The following PLAAT5 variants were observed in gnomAD, a reference collection of about 807,000 sequenced individuals.
PLAAT5 encodes Ca(2+)-independent N-acyltransferase.
A neutral mutation model predicts 27.8 loss-of-function variants in PLAAT5; 27 were observed. The observed-to-expected ratio is 0.97, with a 90% CI of 0.72 to 1.34. The LOEUF is 1.34. PLAAT5 is among the 40% of genes most tolerant of loss of function. The pLI, the probability that PLAAT5 is intolerant of heterozygous loss-of-function variation, is 0.00. For synonymous variants in PLAAT5, 125 were observed against 136.1 expected (o/e 0.92, Z 0.57); for missense variants, 368 against 343.8 (o/e 1.07, Z -0.56).
At chr11:63,478,192 C>A (rs962965374) in intron 3 of PLAAT5, among the ~76,000 whole-genome samples, 6 of 152,196 alleles carry the variant, frequency 3.9e-5, no homozygotes, top group African/African-American at 1.4e-4. Context: ...CCCTCTGCTG[C>A]CACGCCATTC....
chr11:63,469,135 T>TGA (rs1300048720), intron 3 of PLAAT5, among the ~76,000 whole-genome samples: 12 of 146,408 alleles, frequency 8.2e-5, no homozygotes, highest in African/African-American at 3.0e-4. Context: ...TGTGTGTGTG[T>TGA]GTGTGTGTGT....
intron 3 of PLAAT5, among the ~76,000 whole-genome samples, chr11:63,485,089 T>A (rs2016402038): frequency 6.6e-6 from 1 of 150,440 alleles, no homozygotes; most frequent in Non-Finnish European, 1.5e-5. Context: ...ACCAAAGACA[T>A]GAAAGATCTC....
intron 3 of PLAAT5, among the ~76,000 whole-genome samples, chr11:63,468,983 G>A (rs976536498): frequency 3.3e-5 from 5 of 152,004 alleles, no homozygotes; most frequent in African/African-American, 1.2e-4. Flanking sequence ...CCCTCTGCAG[G>A]GCCCCCACGT....
intron 5 of PLAAT5, among the ~76,000 whole-genome samples, chr11:63,465,803 GA>G (rs1458406408): frequency 6.6e-6 from 1 of 151,792 alleles, no homozygotes; most frequent in African/African-American, 2.4e-5. Flanking sequence ...AGAAAGAGGG[GA>G]AAAAAAGAAA....
intron 4 of PLAAT5, among the ~76,000 whole-genome samples, chr11:63,468,022 G>C (rs928293783): frequency 5.9e-5 from 9 of 152,142 alleles, no homozygotes; most frequent in African/African-American, 1.7e-4. Context: ...CCCTCCTTGG[G>C]GAATCCTCAG....
chr11:63,465,336 A>G (rs939619201), intron 5 of PLAAT5, among the ~76,000 whole-genome samples: 9 of 151,086 alleles, frequency 6.0e-5, no homozygotes, highest in Non-Finnish European at 1.3e-4. Flanking sequence ...TAAAATTTCT[A>G]TATTTTTAAA....
Position 63,462,030 on chromosome 11 carries a change from TGGA to T in PLAAT5, c.*1470_*1472del, listed in dbSNP as rs1256457111. ...AGAAGTTACTAAACACTCCTTGGTGTGGAGGAGTTTTTTGTTAATGAAACAACA... is the reference window on the plus strand; with the variant it reads ...AGAAGTTACTAAACACTCCTTGGTGTGGAGTTTTTTGTTAATGAAACAACA... On this transcript the variant is annotated 3_prime_UTR_variant, in exon 6 of 6. Transcript: ENST00000540857. 1.3e-5 allele frequency: 2 copies of T among 152,110 alleles called. No homozygotes were observed. Among genetic ancestry groups the T allele is most frequent in the Non-Finnish European group, 2.9e-5 (2 of 68,026 alleles). 9.4% of individuals were successfully genotyped at this position (152,110 alleles called of 1,614,324 possible). A position where few individuals can be genotyped will look rare whatever the true frequency, so the allele number is the denominator to read the frequency against.
At chr11:63,464,082 C>T (rs982856122) in intron 5 of PLAAT5, among the ~76,000 whole-genome samples, 7 of 152,024 alleles carry the variant, frequency 4.6e-5, no homozygotes, top group South Asian at 2.1e-4. Context: ...TCTCACGGGA[C>T]GGGAGGTTTC....
At chr11:63,473,036 G>T (rs532743841) in intron 3 of PLAAT5, among the ~76,000 whole-genome samples, 1 of 152,212 alleles carries the variant, frequency 6.6e-6, no homozygotes, top group South Asian at 2.1e-4. Context: ...CTTGAATCCG[G>T]GAGGCAGAGG....
chr11:63,465,455 C>CA (rs1477983531), intron 5 of PLAAT5, among the ~76,000 whole-genome samples: 1 of 147,270 alleles, frequency 6.8e-6, no homozygotes, highest in Non-Finnish European at 1.5e-5. Flanking sequence ...GCAATTTTAT[C>CA]AACAGAGTAT....
At chr11:63,479,999 C>T (rs1254040971) in intron 3 of PLAAT5, among the ~76,000 whole-genome samples, 1 of 152,192 alleles carries the variant, frequency 6.6e-6, no homozygotes, top group Non-Finnish European at 1.5e-5. Flanking sequence ...ACCCCAATAC[C>T]TTAGAGTCCT....
At chr11:63,481,695 G>A (rs77939805) in intron 3 of PLAAT5, among the ~76,000 whole-genome samples, 1 of 152,254 alleles carries the variant, frequency 6.6e-6, no homozygotes, top group East Asian at 1.9e-4. Flanking sequence ...AGAAAATGTG[G>A]CACATATACA....
chr11:63,483,788 T>A lies in PLAAT5; in HGVS notation c.345+5083A>T, dbSNP rs56895360. On this transcript the variant is annotated intron_variant, in intron 3 of 5. Coordinates refer to ENST00000540857, the MANE Select transcript of PLAAT5 (RefSeq NM_001146729.2). ...ATGAAATTGAAGCAAAAAAAAAATATATATATATATATGTATATATATATA... is the reference window on the plus strand; with the variant it reads ...ATGAAATTGAAGCAAAAAAAAAATAAATATATATATATGTATATATATATA... Among the ~76,000 whole-genome samples, 133 of 66,096 alleles carry A rather than the reference T, an allele frequency of 2.0e-3. 1 individual carries two copies. The highest frequency in any genetic ancestry group is 0.02 in the East Asian group (44 of 2,248). The allele number at this position is 66,096 out of a possible 152,430, so 43.4% of individuals were successfully genotyped here.
intron 3 of PLAAT5, among the ~76,000 whole-genome samples, chr11:63,477,912 T>A (rs1230629767): frequency 6.6e-6 from 1 of 152,216 alleles, no homozygotes; most frequent in Non-Finnish European, 1.5e-5. Context: ...TCCAGATTTT[T>A]ATGAGTCTCC....
At chr11:63,483,784 A>ATATAT (rs1555028140) in intron 3 of PLAAT5, among the ~76,000 whole-genome samples, 7 of 65,666 alleles carry the variant, frequency 1.1e-4, no homozygotes, top group African/African-American at 5.9e-4. Flanking sequence ...GCAAAAAAAA[A>ATATAT]ATATATATAT....
intron 4 of PLAAT5, among the ~76,000 whole-genome samples, chr11:63,467,806 C>T (rs1179779301): frequency 6.6e-6 from 1 of 152,156 alleles, no homozygotes; most frequent in Non-Finnish European, 1.5e-5. Flanking sequence ...ATTTAATTAA[C>T]ACAAATTGAA....
Position 63,463,030 on chromosome 11 carries a change from A to T in PLAAT5, c.*473T>A, listed in dbSNP as rs1381081453. On this transcript the variant is annotated 3_prime_UTR_variant, in exon 6 of 6. Transcript: ENST00000540857. ...TTAAGGTCCTCCTCCTCTGAGCTAC[A>T]CTGTGGGTCGAAAAGGGCAGGATTA... is the stretch of plus-strand genomic sequence containing the variant. 6.4e-6 allele frequency: 1 copy of T among 155,594 alleles called. No individual in the cohort carries two copies. Among genetic ancestry groups the T allele is most frequent in the African/African-American group, 2.4e-5 (1 of 41,530 alleles). 9.6% of individuals were successfully genotyped at this position (155,594 alleles called of 1,614,324 possible). A position where few individuals can be genotyped will look rare whatever the true frequency, so the allele number is the denominator to read the frequency against.
intron 3 of PLAAT5, among the ~76,000 whole-genome samples, chr11:63,487,651 G>A (rs1265671420): frequency 6.6e-6 from 1 of 152,024 alleles, no homozygotes; most frequent in Admixed American, 6.6e-5. Flanking sequence ...TCACCCAAGA[G>A]GAAAAAATAT....
intron 3 of PLAAT5, 59 bp downstream of exon 3, chr11:63,488,812 T>C (rs1438496484): frequency 2.6e-6 from 3 of 1,141,038 alleles, no homozygotes; most frequent in Non-Finnish European, 4.0e-6. Context: ...AAATACAATA[T>C]GTAGAGAAGT....
Sources: gnomAD v4.1 joint callset for allele counts (sites outside exome capture counted in the v4.1 genomes callset) on GRCh38, gnomAD v4.1.1 for gene constraint, MANE v1.5 for transcripts, NCBI Gene and HGNC (gene_info 2026-07-23, HGNC 2026-07-21) for gene names.